DHX32: variants seen among roughly 807,000 people sequenced by gnomAD.
DHX32 encodes DEAH-box helicase 32 (putative).
In DHX32, 51 loss-of-function variants were observed where a neutral mutation model predicts 70.0. The ratio of observed to expected loss-of-function variants is 0.73; its 90% CI spans 0.58 to 0.92. DHX32 has a LOEUF of 0.92. Among genes scored for constraint, DHX32 ranks in the 40% least tolerant of loss-of-function variants. The pLI, the probability that DHX32 is intolerant of heterozygous loss-of-function variation, is 0.00. For missense variants in DHX32, 762 were observed against 891.8 expected (o/e 0.85, Z 1.85); for synonymous variants, 310 against 315.3 (o/e 0.98, Z 0.18).
intron 1 of DHX32, among the ~76,000 whole-genome samples, chr10:125,890,838 A>C (rs1409608813): frequency 6.6e-6 from 1 of 152,242 alleles, no homozygotes; most frequent in East Asian, 1.9e-4. Flanking sequence ...TGGGAGGCCA[A>C]GTGGGGAGGA....
At chr10:125,859,184 CTA>C (rs1223129598) in intron 3 of DHX32, among the ~76,000 whole-genome samples, 1 of 152,018 alleles carries the variant, frequency 6.6e-6, no homozygotes, top group East Asian at 1.9e-4. Flanking sequence ...TTACTTAACT[CTA>C]TGGTGAGTGC....
intron 8 of DHX32, among the ~76,000 whole-genome samples, chr10:125,839,998 C>G (rs1854826073): frequency 6.6e-6 from 1 of 152,238 alleles, no homozygotes; most frequent in Non-Finnish European, 1.5e-5. Flanking sequence ...CTTTGAAACA[C>G]TAACTCCCTG....
At chr10:125,883,231 A>G (rs368889240), upstream of DHX32, among the ~76,000 whole-genome samples, 5 of 152,166 alleles carry the variant, frequency 3.3e-5, no homozygotes, top group African/African-American at 1.2e-4. Context: ...ATCCACACAC[A>G]TTAGCCTTAA....
At chr10:125,885,143 C>A (rs1944335292), upstream of DHX32, among the ~76,000 whole-genome samples, 1 of 152,142 alleles carries the variant, frequency 6.6e-6, no homozygotes, top group Non-Finnish European at 1.5e-5. Flanking sequence ...AGCCACAAAT[C>A]TGGTCCCCCC....
Position 125,839,267 on chromosome 10 carries a change from C to T in DHX32, c.1694-79G>A, listed in dbSNP as rs907197323. 1.2e-5 allele frequency: 17 copies of T among 1,450,536 alleles called. No individual in the cohort carries two copies. In the African/African-American group the frequency reaches 1.4e-4, roughly 12 times the overall value. 89.9% of individuals were successfully genotyped at this position (1,450,536 alleles called of 1,614,324 possible). ...AGAGCCCAGGCCAGGCAGTTGCCATCTTTAAGCCCTGTGCTCTCCTCTCCT... is the reference window on the plus strand; with the variant it reads ...AGAGCCCAGGCCAGGCAGTTGCCATTTTTAAGCCCTGTGCTCTCCTCTCCT... On this transcript the variant is annotated intron_variant, in intron 8 of 10. Coordinates refer to ENST00000284690, the MANE Select transcript of DHX32 (RefSeq NM_018180.3).
intron 1 of DHX32, among the ~76,000 whole-genome samples, chr10:125,895,275 T>C (rs1944445520): frequency 6.6e-6 from 1 of 152,192 alleles, no homozygotes; most frequent in South Asian, 2.1e-4. Flanking sequence ...GAAATCTTTC[T>C]ACTGGCAAGA....
At chr10:125,894,414 T>G (rs1165104544) in intron 1 of DHX32, among the ~76,000 whole-genome samples, 1 of 152,234 alleles carries the variant, frequency 6.6e-6, no homozygotes, top group East Asian at 1.9e-4. Context: ...TCAGTGCCTT[T>G]ACGCCTGACT....
intron 6 of DHX32, among the ~76,000 whole-genome samples, chr10:125,847,568 G>A (rs1944037571): frequency 1.3e-5 from 2 of 152,204 alleles, no homozygotes; most frequent in South Asian, 4.1e-4. Context: ...ACCAGGGACC[G>A]ACTTCATGGA....
intron 1 of DHX32, among the ~76,000 whole-genome samples, chr10:125,868,469 A>G (rs1253105983): frequency 6.6e-6 from 1 of 152,226 alleles, no homozygotes; most frequent in Non-Finnish European, 1.5e-5. Context: ...ATAACTCACC[A>G]GAAATACAAG....
Position 125,866,928 on chromosome 10 carries a change from A to G in DHX32, c.476+62T>C. ...TAGAATGCCAGAATAATGCTCCTTC[A>G]GAATTGTAGAACCTAAGCCAAGAAT... On this transcript the variant is annotated intron_variant, in intron 2 of 10. Transcript: ENST00000284690. The surrounding 1 kb of genome is among the most constrained non-coding windows in gnomAD (Gnocchi z 4.8). 1 of 1,526,806 alleles carries G rather than the reference A, an allele frequency of 6.5e-7. No homozygotes were observed. Among genetic ancestry groups the G allele is most frequent in the Non-Finnish European group, 8.9e-7 (1 of 1,119,478 alleles). The allele number at this position is 1,526,806 out of a possible 1,614,324, so 94.6% of individuals were successfully genotyped here.
chr10:125,848,948 A>G (rs970116683), intron 6 of DHX32, among the ~76,000 whole-genome samples: 2 of 152,192 alleles, frequency 1.3e-5, no homozygotes, highest in Non-Finnish European at 2.9e-5. Flanking sequence ...CCACTAGCAA[A>G]TGATGGGGCC....
At chr10:125,847,990 C>T (rs1001877401) in intron 6 of DHX32, among the ~76,000 whole-genome samples, 2 of 152,184 alleles carry the variant, frequency 1.3e-5, no homozygotes, top group Non-Finnish European at 2.9e-5. Context: ...AACTGGTACC[C>T]ATCACTGCCT....
At chr10:125,840,558 C>G (rs551363044) in intron 8 of DHX32, among the ~76,000 whole-genome samples, 2 of 152,210 alleles carry the variant, frequency 1.3e-5, no homozygotes, top group Non-Finnish European at 2.9e-5. Flanking sequence ...TCTGTGTCCC[C>G]CGTCACCATG....
chr10:125,859,663 G>T lies in DHX32; in HGVS notation c.789C>A (p.Ile263=). Residue 263 remains isoleucine, a synonymous_variant, in exon 3 of 11, where the codon ATC becomes ATA. Coordinates refer to ENST00000284690, the MANE Select transcript of DHX32 (RefSeq NM_018180.3). ...KDSFESILRL[I]FEIHHSGEKG... ...TCTCACCCGAGTGGTGAATTTCAAA[G>T]ATAAGGCGTAAAATAGACTCAAAAG... 1 of 1,610,646 alleles carries T rather than the reference G, an allele frequency of 6.2e-7. No individual in the cohort carries two copies. The highest frequency in any genetic ancestry group is 8.5e-7 in the Non-Finnish European group (1 of 1,179,036).
At chr10:125,841,201 T>G (rs200577906) in intron 7 of DHX32, 13 of 1,414,292 alleles carry the variant, frequency 9.2e-6, no homozygotes, top group South Asian at 2.4e-5. Flanking sequence ...GTGTGTGTGT[T>G]TGCTTTTCTA....
chr10:125,839,340 G>C, intron 8 of DHX32, 152 bp from the exon 9 acceptor site: 1 of 747,130 alleles, frequency 1.3e-6, no homozygotes. Flanking sequence ...CAAGGACAAG[G>C]ATTTCTGGTG....
intron 3 of DHX32, among the ~76,000 whole-genome samples, chr10:125,856,512 G>A (rs1033053286): frequency 6.6e-6 from 1 of 152,234 alleles, no homozygotes; most frequent in African/African-American, 2.4e-5. Context: ...GGCAGCCTGT[G>A]AATCACAGAG....
At chr10:125,853,089 A>T (rs781275731) in intron 4 of DHX32, 19 of 1,454,222 alleles carry the variant, frequency 1.3e-5, no homozygotes, top group African/African-American at 2.8e-5. Flanking sequence ...CTAATACAGA[A>T]ACTGCGTATG....
At position 125,862,424 on chromosome 10, in the gene DHX32, T is replaced by C. The variant is rs545274417; in HGVS notation, c.477-2449A>G. ...CAAGATGCCAACAGATGCATTGAAA[T>C]CTAGTTTTCAATTTTTTTTTTTTTG... On this transcript the variant is annotated intron_variant, in intron 2 of 10. Transcript: ENST00000284690. 1.5e-3 allele frequency among the ~76,000 whole-genome samples: 234 copies of C among 151,520 alleles called. 3 individuals are homozygous for C. The highest frequency in any genetic ancestry group is 5.6e-3 in the African/African-American group (229 of 40,926).
Sources: gnomAD v4.1 joint callset for allele counts (sites outside exome capture counted in the v4.1 genomes callset) on GRCh38, gnomAD v4.1.1 for gene constraint, Gnocchi (gnomAD v3.1) non-coding constraint, MANE v1.5 for transcripts, NCBI Gene and HGNC (gene_info 2026-07-23, HGNC 2026-07-21) for gene names.